ANO4: variants seen among roughly 807,000 people sequenced by gnomAD.
The protein encoded by ANO4 is anoctamin-4.
Under a neutral mutation model 141.9 loss-of-function variants are expected in ANO4, and 69 were observed. The ratio of observed to expected loss-of-function variants is 0.49; its 90% confidence interval spans 0.40 to 0.59. The LOEUF is 0.59. Ranked by LOEUF, ANO4 falls within the 20% of genes least tolerant of loss-of-function variation. The pLI, the probability that ANO4 is intolerant of heterozygous loss-of-function variation, is 0.00. For missense variants in ANO4, 894 were observed against 1,162.2 expected, an observed-to-expected ratio of 0.77 and a Z score of 3.36; for synonymous variants, 350 against 394.3, an observed-to-expected ratio of 0.89 and a Z score of 1.33.
intron 1 of ANO4, among the ~76,000 whole-genome samples, chr12:100,732,250 TC>T (rs2031409685): frequency 6.6e-6 from 1 of 152,202 alleles, no homozygotes; most frequent in South Asian, 2.1e-4. Context: ...TTGTCAGTGT[TC>T]CAGATTTTGG....
At chr12:101,122,950 A>G (rs1043613627) in intron 26 of ANO4, among the ~76,000 whole-genome samples, 1 of 152,188 alleles carries the variant, frequency 6.6e-6, no homozygotes, top group Non-Finnish European at 1.5e-5. Context: ...AATTGTCTAT[A>G]TTATATGTCA....
chr12:100,873,333 A>G (rs7967833), intron 1 of ANO4, among the ~76,000 whole-genome samples: 44,664 of 152,104 alleles, frequency 0.29, 7,386 homozygotes, highest in South Asian at 0.44. Flanking sequence ...AACTGGGGGA[A>G]AGTTTGGAAT....
chr12:101,059,481 C>G (rs756691958), intron 14 of ANO4, among the ~76,000 whole-genome samples: 1 of 152,178 alleles, frequency 6.6e-6, no homozygotes, highest in Non-Finnish European at 1.5e-5. Context: ...GCTGTGAATC[C>G]TTCTGGTCCT....
intron 3 of ANO4, among the ~76,000 whole-genome samples, chr12:100,773,999 T>C (rs2033394656): frequency 6.6e-6 from 1 of 152,214 alleles, no homozygotes; most frequent in African/African-American, 2.4e-5. Context: ...ATGGCTACTT[T>C]CATGCTACAA....
intron 5 of ANO4, among the ~76,000 whole-genome samples, chr12:100,968,499 A>G (rs571116405): frequency 2.0e-5 from 3 of 152,192 alleles, no homozygotes; most frequent in East Asian, 3.9e-4. Flanking sequence ...GTGTTGCCCA[A>G]TTTTACTCTT....
intron 3 of ANO4, among the ~76,000 whole-genome samples, chr12:100,769,793 G>T (rs1311865680): frequency 6.6e-6 from 1 of 152,104 alleles, no homozygotes; most frequent in African/African-American, 2.4e-5. Flanking sequence ...TAAAACACTT[G>T]CCACAAGCCG....
chr12:101,097,596 C>T, intron 19 of ANO4, 55 bp from the exon 20 acceptor site: 1 of 1,511,452 alleles, frequency 6.6e-7, no homozygotes, highest in Non-Finnish European at 9.2e-7. Flanking sequence ...ATGTAATATT[C>T]GCTGAAAGCT....
At chr12:100,892,290 G>A (rs184126297) in intron 1 of ANO4, among the ~76,000 whole-genome samples, 1 of 152,162 alleles carries the variant, frequency 6.6e-6, no homozygotes, top group Admixed American at 6.5e-5. Context: ...CATTTAAAGA[G>A]TTTTAAATCA....
intron 3 of ANO4, among the ~76,000 whole-genome samples, chr12:100,923,085 A>G (rs1161046556): frequency 2.0e-5 from 3 of 152,084 alleles, no homozygotes; most frequent in Non-Finnish European, 4.4e-5. Flanking sequence ...CATTGTATAA[A>G]CAACCATTGC....
At position 101,116,700 on chromosome 12, in the gene ANO4, T is replaced by A; in HGVS notation, c.2472T>A (p.Asn824Lys). The change falls in exon 25 of 28, where the codon AAT becomes AAA. Residue 824 changes from asparagine to lysine, a missense_variant. Asn to Lys is a moderately conservative substitution (Grantham distance 94, BLOSUM62 0). This residue lies in a region of ANO4 where 637 missense variants were observed against 909.2 expected (regional missense o/e 0.70). Transcript: ENST00000392977. ...AGQKCMVGYV[N>K]ASLSVFRISD... ...ATAGGTGCATGGTTGGCTATGTGAATGCCAGCTTGTCTGTATTTCGAATTT... is the reference window on the plus strand; with the variant it reads ...ATAGGTGCATGGTTGGCTATGTGAAAGCCAGCTTGTCTGTATTTCGAATTT... The A allele has an allele frequency of 6.2e-7, 1 of 1,614,168 alleles. No individual in the cohort carries two copies. Among genetic ancestry groups the A allele is most frequent in the Non-Finnish European group, 8.5e-7 (1 of 1,180,020 alleles).
At chr12:100,986,444 C>G (rs1027539881) in intron 7 of ANO4, among the ~76,000 whole-genome samples, 1 of 152,116 alleles carries the variant, frequency 6.6e-6, no homozygotes, top group African/African-American at 2.4e-5. Flanking sequence ...GGACCAACTT[C>G]TTTACTAAGT....
At chr12:100,838,922 C>T (rs1437518935) in intron 1 of ANO4, among the ~76,000 whole-genome samples, 2 of 152,050 alleles carry the variant, frequency 1.3e-5, no homozygotes, top group Non-Finnish European at 2.9e-5. Context: ...AAGCAAGGAG[C>T]AAGTCCAATG....
chr12:100,982,471 C>T (rs1250970908), intron 7 of ANO4, among the ~76,000 whole-genome samples: 1 of 152,214 alleles, frequency 6.6e-6, no homozygotes, highest in African/African-American at 2.4e-5. Flanking sequence ...GGAACACAGA[C>T]ATCAATCTAC....
chr12:101,019,945 C>G, intron 8 of ANO4, 89 bp from the exon 9 acceptor site: 1 of 998,220 alleles, frequency 1.0e-6, no homozygotes, highest in South Asian at 1.4e-5. Flanking sequence ...CTGAAGACAT[C>G]TGCATCTGAG....
At chr12:100,981,741 C>T (rs1283481586) in intron 7 of ANO4, among the ~76,000 whole-genome samples, 1 of 152,176 alleles carries the variant, frequency 6.6e-6, no homozygotes, top group Non-Finnish European at 1.5e-5. Context: ...TCTACTTCCT[C>T]AGGCTATGCC....
Position 101,040,043 on chromosome 12 carries a change from T to G in ANO4, c.986T>G (p.Val329Gly). 2 of 1,613,296 alleles carry G rather than the reference T, an allele frequency of 1.2e-6. No individual in the cohort carries two copies. Among genetic ancestry groups the G allele is most frequent in the Non-Finnish European group, 1.7e-6 (2 of 1,179,346 alleles). Residue 329 changes from valine (V) to glycine (G), a missense_variant, in exon 11 of 28, where the codon GTG becomes GGG. Val to Gly is a moderately radical substitution (Grantham distance 109). Coordinates refer to ENST00000392977, the MANE Select transcript of ANO4 (RefSeq NM_001286615.2). ...LLYECWASWG[V>G]WYKYQPLDLV... is the part of the protein sequence containing the mutation. Reference sequence around the variant, plus strand: ...TATGAGTGCTGGGCCTCCTGGGGCGTGTGGTATAAATACCAACCTTTGGAT... The same window carrying G: ...TATGAGTGCTGGGCCTCCTGGGGCGGGTGGTATAAATACCAACCTTTGGAT...
chr12:100,873,091 C>T (rs900266880), intron 1 of ANO4, among the ~76,000 whole-genome samples: 3 of 152,204 alleles, frequency 2.0e-5, no homozygotes, highest in African/African-American at 7.2e-5. Flanking sequence ...TTCTTGAGGC[C>T]TCCCCAGCCA....
At chr12:100,747,901 G>T (rs1392632456) in intron 3 of ANO4, among the ~76,000 whole-genome samples, 2 of 152,070 alleles carry the variant, frequency 1.3e-5, no homozygotes, top group Non-Finnish European at 2.9e-5. Flanking sequence ...CAATACTAAT[G>T]AATTCCAAAC....
At position 100,939,317 on chromosome 12, in the gene ANO4, G is replaced by A; in HGVS notation, c.163G>A (p.Ala55Thr). ...TAATGTATTTACTTTGGTTCTAGTG[G>A]CCAAGGATGTCAATATTCTTTTTGA... is the stretch of plus-strand genomic sequence containing the variant. ...SEILNAIQEM[A>T]KDVNILFDEL... Residue 55 changes from alanine to threonine, a missense_variant and splice_region_variant, in exon 4 of 28, where the codon GCC (alanine) becomes ACC (threonine). By Grantham distance (58) the Ala-to-Thr change is moderately conservative. This residue lies in a region of ANO4 where 257 missense variants were observed against 253.0 expected (regional missense o/e 1.02). Transcript: ENST00000392977. 6.2e-7 allele frequency: 1 copy of A among 1,612,798 alleles called. No homozygotes were observed. The highest frequency in any genetic ancestry group is 8.5e-7 in the Non-Finnish European group (1 of 1,179,124).
Sources: gnomAD v4.1 joint callset for allele counts (sites outside exome capture counted in the v4.1 genomes callset) on GRCh38, gnomAD v4.1.1 for gene constraint, gnomAD v4.1.1 regional missense constraint, MANE v1.5 for transcripts, NCBI Gene and HGNC (gene_info 2026-07-23, HGNC 2026-07-21) for gene names.